ACTN4: variants seen among roughly 807,000 people sequenced by gnomAD.
ACTN4 encodes the protein alpha-actinin-4.
ACTN4 carries 18 observed loss-of-function variants against 114.2 expected under a neutral mutation model. That is an observed-to-expected ratio of 0.16 (90% CI 0.11 to 0.23). The LOEUF (loss-of-function observed/expected upper bound fraction) is 0.23, where lower values mean the gene tolerates loss of function less well. Among genes scored for constraint, ACTN4 ranks in the 10% least tolerant of loss-of-function variants. The pLI is 1.00. For missense variants in ACTN4, 722 were observed against 1,262.9 expected, an observed-to-expected ratio of 0.57 and a Z score of 6.49; for synonymous variants, 515 against 506.3, an observed-to-expected ratio of 1.02 and a Z score of -0.23.
At chr19:38,728,634 C>T (rs79947842) in intron 19 of ACTN4, among the ~76,000 whole-genome samples, 7,578 of 152,096 alleles carry the variant, frequency 0.05, 271 homozygotes, top group Non-Finnish European at 0.078. Context: ...AGCTCTCCCA[C>T]TCTCTCCCCT....
In ACTN4 at chr19:38,730,683, G is replaced by A; in HGVS notation, c.*1251G>A. 1.4e-6 allele frequency: 1 copy of A among 721,040 alleles called. No individual in the cohort carries two copies. Among genetic ancestry groups the A allele is most frequent in the East Asian group, 2.7e-5 (1 of 37,040 alleles). The allele number at this position is 721,040 out of a possible 1,614,324, so 44.7% of individuals were successfully genotyped here. ...GCTGTCGCTGTTCTTGTTTCTGAGT[G>A]AGGAGTACGCAGGCCAGAGTGGTCA... On this transcript the variant is annotated 3_prime_UTR_variant, in exon 21 of 21. Transcript: ENST00000252699.
chr19:38,662,268 T>C (rs12984247), intron 1 of ACTN4, among the ~76,000 whole-genome samples: 103,367 of 152,086 alleles, frequency 0.68, 35,938 homozygotes, highest in South Asian at 0.84. Context: ...CAGGGAGCTC[T>C]GGGCTATTGA....
Position 38,729,643 on chromosome 19 carries a change from G to A in ACTN4, c.*211G>A, listed in dbSNP as rs1299941698. On this transcript the variant is annotated 3_prime_UTR_variant, in exon 21 of 21. Coordinates refer to ENST00000252699, the MANE Select transcript of ACTN4 (RefSeq NM_004924.6). ...TCCCCCGACCAGGTTGGGGAGACTT[G>A]GGGCCAGCGCTTCTGGTCTGGTAAA... 2.7e-6 allele frequency: 2 copies of A among 748,558 alleles called. No individual in the cohort carries two copies. Among genetic ancestry groups the A allele is most frequent in the Admixed American group, 4.0e-5 (2 of 49,956 alleles). The allele number at this position is 748,558 out of a possible 1,614,324, so 46.4% of individuals were successfully genotyped here.
At chr19:38,698,185 G>C (rs1396278204) in intron 1 of ACTN4, among the ~76,000 whole-genome samples, 2 of 152,132 alleles carry the variant, frequency 1.3e-5, no homozygotes, top group South Asian at 4.1e-4. Flanking sequence ...GGGCCATCCA[G>C]AGAGCTGCCA....
intron 1 of ACTN4, among the ~76,000 whole-genome samples, chr19:38,673,495 ATT>A (rs1384029128): frequency 9.2e-6 from 1 of 108,298 alleles, no homozygotes; most frequent in African/African-American, 3.4e-5. Flanking sequence ...ATTCATATAT[ATT>A]TATATATATG....
Position 38,717,872 on chromosome 19 carries a change from C to T in ACTN4, c.1144-55C>T, listed in dbSNP as rs1968896468. On this transcript the variant is annotated intron_variant, in intron 10 of 20. Coordinates refer to ENST00000252699, the MANE Select transcript of ACTN4 (RefSeq NM_004924.6). This position sits in a 1 kb window ranked among gnomAD's most constrained non-coding sequence, Gnocchi z 4.0. ...CCATCAGCATCCCTTGGAGACATCC[C>T]CCTGGGTGCCTCCACTTCCTTGTGA... 3.2e-6 allele frequency: 5 copies of T among 1,552,342 alleles called. No individual in the cohort carries two copies. In the African/African-American group the frequency reaches 5.5e-5, roughly 17 times the overall value.
At chr19:38,705,945 G>A (rs539125895) in intron 4 of ACTN4, 99 bp from the exon 5 acceptor site, 67 of 1,243,626 alleles carry the variant, frequency 5.4e-5, no homozygotes, top group Non-Finnish European at 7.4e-5. Context: ...CTTGGGTTTC[G>A]TTTGACCCCA....
At chr19:38,698,022 T>A (rs1968149376) in intron 1 of ACTN4, among the ~76,000 whole-genome samples, 1 of 152,090 alleles carries the variant, frequency 6.6e-6, no homozygotes, top group Non-Finnish European at 1.5e-5. Flanking sequence ...AGAAAGCTCA[T>A]GTGCATGCAA....
chr19:38,651,347 A>T (rs962149127), intron 1 of ACTN4, among the ~76,000 whole-genome samples: 1 of 152,132 alleles, frequency 6.6e-6, no homozygotes, highest in Non-Finnish European at 1.5e-5. Flanking sequence ...TTTTTACATG[A>T]GAGGGCCATG....
intron 7 of ACTN4, 146 bp downstream of exon 7, chr19:38,709,622 T>C (rs918794599): frequency 2.6e-6 from 2 of 757,984 alleles, no homozygotes; most frequent in Non-Finnish European, 4.6e-6. Flanking sequence ...GGCTGAATGA[T>C]TCTGGGTGAA....
In ACTN4 at chr19:38,727,444, G is replaced by T. The variant is rs1203298406; in HGVS notation, c.2337+341G>T. Among the ~76,000 whole-genome samples, 4 of 152,168 alleles carry T rather than the reference G, an allele frequency of 2.6e-5. No homozygotes were observed. The highest frequency in any genetic ancestry group is 7.2e-5 in the African/African-American group (3 of 41,422). Reference sequence around the variant, plus strand: ...ACAGACACCCCGCACAGTGCTTTTAGAATTCAGATTTGGTCCGGCAGCCTC... The same window carrying T: ...ACAGACACCCCGCACAGTGCTTTTATAATTCAGATTTGGTCCGGCAGCCTC... On this transcript the variant is annotated intron_variant, in intron 18 of 20. Transcript: ENST00000252699. This position sits in a 1 kb window ranked among gnomAD's most constrained non-coding sequence, Gnocchi z 5.4.
chr19:38,666,228 C>CA, intron 1 of ACTN4, among the ~76,000 whole-genome samples: 1 of 151,974 alleles, frequency 6.6e-6, no homozygotes. Flanking sequence ...CCCTGTCCCC[C>CA]CCAAAAGCAA....
Position 38,731,047 on chromosome 19 carries a change from G to A in ACTN4, c.*1615G>A, listed in dbSNP as rs1969551643. 1 of 1,557,912 alleles carries A rather than the reference G, an allele frequency of 6.4e-7. No individual in the cohort carries two copies. The highest frequency in any genetic ancestry group is 1.4e-5 in the African/African-American group (1 of 73,348). On this transcript the variant is annotated 3_prime_UTR_variant, in exon 21 of 21. Transcript: ENST00000252699. ...GCCTGTGCAGAGAGGGGCAGGGTGA[G>A]TGCCCACCAGTCCCCGTACCCCTTC...
chr19:38,705,385 C>G (rs117124256), intron 4 of ACTN4, among the ~76,000 whole-genome samples: 2,658 of 152,240 alleles, frequency 0.017, 36 homozygotes, highest in Non-Finnish European at 0.031. Flanking sequence ...CTTGACATCC[C>G]CATCCTTGAA....
chr19:38,728,204 G>A (rs1039947265), intron 19 of ACTN4, 178 bp downstream of exon 19: 8 of 1,347,554 alleles, frequency 5.9e-6, no homozygotes, highest in African/African-American at 4.3e-5. Context: ...TCTTGGGGCC[G>A]CTGTCTCCCT....
Position 38,718,244 on chromosome 19 carries a change from G to C in ACTN4, c.1291+170G>C, listed in dbSNP as rs958737616. On this transcript the variant is annotated intron_variant, in intron 11 of 20. Coordinates refer to ENST00000252699, the MANE Select transcript of ACTN4 (RefSeq NM_004924.6). Reference sequence around the variant, plus strand: ...TGTGTGTGTCAGAAATGCTGCTTTAGAGCCAGGTTCAGTGGCTCACACCTG... The same window carrying C: ...TGTGTGTGTCAGAAATGCTGCTTTACAGCCAGGTTCAGTGGCTCACACCTG... 49 of 1,216,452 alleles carry C rather than the reference G, an allele frequency of 4.0e-5. 1 individual carries two copies. Among genetic ancestry groups the C allele is most frequent in the Admixed American group, 2.4e-4 (12 of 50,448 alleles). The allele number at this position is 1,216,452 out of a possible 1,614,324, so 75.4% of individuals were successfully genotyped here.
At chr19:38,703,555 TTTA>T (rs1381715778) in intron 3 of ACTN4, among the ~76,000 whole-genome samples, 1 of 152,084 alleles carries the variant, frequency 6.6e-6, no homozygotes, top group Non-Finnish European at 1.5e-5. Context: ...AATGTTTGTT[TTTA>T]GGTTAGTTCA....
chr19:38,727,190 TC>T lies in ACTN4; in HGVS notation c.2337+90del. ...TTCGTCTCTGCATCTGTTCGTCCAT[TC>T]CCATCACAGTTGCTGAGCGTCGGCC... is the stretch of plus-strand genomic sequence containing the variant. On this transcript the variant is annotated intron_variant, in intron 18 of 20. Transcript: ENST00000252699. The surrounding 1 kb of genome is among the most constrained non-coding windows in gnomAD (Gnocchi z 5.4). 6.3e-7 allele frequency: 1 copy of T among 1,594,750 alleles called. No individual in the cohort carries two copies. Among genetic ancestry groups the T allele is most frequent in the Non-Finnish European group, 8.6e-7 (1 of 1,168,896 alleles).
chr19:38,650,479 AGAGT>A (rs1214810838), intron 1 of ACTN4, among the ~76,000 whole-genome samples: 1 of 152,326 alleles, frequency 6.6e-6, no homozygotes, highest in East Asian at 1.9e-4. Flanking sequence ...GGTGGCTCAC[AGAGT>A]CCGCTAATAC....
Sources: gnomAD v4.1 joint callset for allele counts (sites outside exome capture counted in the v4.1 genomes callset) on GRCh38, gnomAD v4.1.1 for gene constraint, Gnocchi (gnomAD v3.1) non-coding constraint, MANE v1.5 for transcripts, NCBI Gene and HGNC (gene_info 2026-07-23, HGNC 2026-07-21) for gene names.